The following MAPK4 variants were observed in gnomAD, a reference collection of about 807,000 sequenced individuals.
MAPK4 encodes mitogen-activated protein kinase 4.
A neutral mutation model predicts 47.7 loss-of-function variants in MAPK4; 22 were observed. That is an observed-to-expected ratio of 0.46 (90% confidence interval 0.33 to 0.66). MAPK4 has a LOEUF of 0.66. Among genes scored for constraint, MAPK4 ranks in the 30% least tolerant of loss-of-function variants. The pLI, the probability that MAPK4 is intolerant of heterozygous loss-of-function variation, is 0.02. For synonymous variants in MAPK4, 390 were observed against 365.7 expected (o/e 1.07, Z -0.76); for missense variants, 736 against 831.7 (o/e 0.88, Z 1.42).
At chr18:50,671,245 C>G (rs1042799824) in intron 2 of MAPK4, among the ~76,000 whole-genome samples, 5 of 152,092 alleles carry the variant, frequency 3.3e-5, no homozygotes, top group African/African-American at 4.8e-5. Flanking sequence ...CCCCATGGCA[C>G]GAGTTTACTG....
At chr18:50,675,849 ACT>A (rs1323066201) in intron 2 of MAPK4, among the ~76,000 whole-genome samples, 1 of 149,354 alleles carries the variant, frequency 6.7e-6, no homozygotes, top group Non-Finnish European at 1.5e-5. Flanking sequence ...CTGGTCTTGA[ACT>A]CCTGATCTCA....
intron 1 of MAPK4, among the ~76,000 whole-genome samples, chr18:50,661,846 ACAAATT>A (rs2043175448): frequency 6.6e-6 from 1 of 152,252 alleles, no homozygotes; most frequent in Non-Finnish European, 1.5e-5. Context: ...CGAAGATCTG[ACAAATT>A]ATCAGAATCT....
At chr18:50,601,577 T>C (rs995594371) in intron 1 of MAPK4, among the ~76,000 whole-genome samples, 2 of 152,190 alleles carry the variant, frequency 1.3e-5, no homozygotes, top group Admixed American at 1.3e-4. Flanking sequence ...GGTTGTCCAC[T>C]GAGCTGTGTC....
intron 4 of MAPK4, among the ~76,000 whole-genome samples, chr18:50,722,522 G>A (rs1910987776): frequency 6.6e-6 from 1 of 152,256 alleles, no homozygotes; most frequent in East Asian, 1.9e-4. Flanking sequence ...TCACTCCTCA[G>A]GCTTACTCCC....
At chr18:50,726,904 T>C (rs899962227) in intron 5 of MAPK4, among the ~76,000 whole-genome samples, 1 of 151,870 alleles carries the variant, frequency 6.6e-6, no homozygotes, top group African/African-American at 2.4e-5. Context: ...TATTGCCCAT[T>C]GACACACAAG....
At chr18:50,680,562 C>T (rs1290630631) in intron 2 of MAPK4, among the ~76,000 whole-genome samples, 1 of 152,078 alleles carries the variant, frequency 6.6e-6, no homozygotes, top group African/African-American at 2.4e-5. Flanking sequence ...TCCCATCCCC[C>T]TTCAGCATCA....
intron 2 of MAPK4, among the ~76,000 whole-genome samples, chr18:50,683,311 G>A (rs761657109): frequency 3.3e-5 from 5 of 151,824 alleles, no homozygotes; most frequent in East Asian, 1.9e-4. Context: ...TAGTAGAGAC[G>A]GGAGTCTCAC....
intron 2 of MAPK4, among the ~76,000 whole-genome samples, chr18:50,675,635 G>A (rs539434817): frequency 6.6e-4 from 101 of 152,288 alleles, no homozygotes; most frequent in Non-Finnish European, 4.1e-4. Flanking sequence ...GGGACTACAG[G>A]CATGCACCAC....
At chr18:50,564,292 C>CTT (rs2042179557) in intron 1 of MAPK4, among the ~76,000 whole-genome samples, 1 of 152,202 alleles carries the variant, frequency 6.6e-6, no homozygotes, top group Non-Finnish European at 1.5e-5. Context: ...AACCTGGGCA[C>CTT]TATTGATGTT....
intron 2 of MAPK4, among the ~76,000 whole-genome samples, chr18:50,685,280 G>T (rs1360163865): frequency 6.6e-6 from 1 of 152,244 alleles, no homozygotes; most frequent in African/African-American, 2.4e-5. Flanking sequence ...CTGGGTTCCA[G>T]CCCTGCCTCC....
chr18:50,664,285 G>A lies in MAPK4; in HGVS notation c.327G>A (p.Glu109=), dbSNP rs774559194. Residue 109 remains glutamate, a synonymous_variant, in exon 2 of 6, where the codon GAG becomes GAA. Transcript: ENST00000400384. This position sits in a 1 kb window ranked among gnomAD's most constrained non-coding sequence, Gnocchi z 6.0. ...SVAYIVQEYM[E]TDLARLLEQG... is the part of the protein sequence containing the mutation. ...CGTACATCGTCCAGGAGTACATGGA[G>A]ACCGACCTGGCACGCCTGCTGGAGC... is the stretch of plus-strand genomic sequence containing the variant. The A allele has an allele frequency of 1.2e-6, 2 of 1,613,492 alleles. No individual in the cohort carries two copies. Among genetic ancestry groups the A allele is most frequent in the East Asian group, 2.2e-5 (1 of 44,860 alleles).
At chr18:50,626,551 C>T (rs1281724511) in intron 1 of MAPK4, among the ~76,000 whole-genome samples, 1 of 152,156 alleles carries the variant, frequency 6.6e-6, no homozygotes. Flanking sequence ...ATCAAGGTGT[C>T]ACATGTGGCC....
chr18:50,606,347 A>G (rs2042583115), intron 1 of MAPK4, among the ~76,000 whole-genome samples: 1 of 151,824 alleles, frequency 6.6e-6, no homozygotes, highest in Admixed American at 6.5e-5. Flanking sequence ...TTAATACACT[A>G]GGGATTTTGT....
At chr18:50,624,630 TG>T (rs1413126805) in intron 1 of MAPK4, among the ~76,000 whole-genome samples, 4 of 152,256 alleles carry the variant, frequency 2.6e-5, no homozygotes, top group African/African-American at 4.8e-5. Flanking sequence ...TATTCCATTT[TG>T]TTTTTCTTTT....
At chr18:50,712,134 T>C (rs1598943081) in intron 2 of MAPK4, among the ~76,000 whole-genome samples, 1 of 152,096 alleles carries the variant, frequency 6.6e-6, no homozygotes, top group African/African-American at 2.4e-5. Context: ...TATCAACAAA[T>C]CCCCTTTAAG....
rs148313603 is a variant in MAPK4, at chr18:50,671,874, A to G, written c.546+7370A>G. On this transcript the variant is annotated intron_variant, in intron 2 of 5. Transcript: ENST00000400384. ...CATCGCACTTCAGCCTGGGCCACAGAGTGAGACCCTGACTCAAAAAAAAAA... is the reference window on the plus strand; with the variant it reads ...CATCGCACTTCAGCCTGGGCCACAGGGTGAGACCCTGACTCAAAAAAAAAA... Among the ~76,000 whole-genome samples, 731 of 147,248 alleles carry G rather than the reference A, an allele frequency of 5.0e-3. 8 individuals carry two copies. The highest frequency in any genetic ancestry group is 0.017 in the African/African-American group (685 of 39,168).
chr18:50,671,595 G>A (rs141423875), intron 2 of MAPK4, among the ~76,000 whole-genome samples: 35 of 152,246 alleles, frequency 2.3e-4, no homozygotes, highest in African/African-American at 8.4e-4. Context: ...GTTTACATGG[G>A]TTTAATCATG....
intron 2 of MAPK4, among the ~76,000 whole-genome samples, chr18:50,675,554 C>A (rs1453427000): frequency 6.6e-6 from 1 of 152,040 alleles, no homozygotes; most frequent in East Asian, 1.9e-4. Flanking sequence ...TGCAGTGGCA[C>A]GATCTTGGCA....
chr18:50,657,362 C>T (rs2043120825), intron 1 of MAPK4, among the ~76,000 whole-genome samples: 1 of 152,170 alleles, frequency 6.6e-6, no homozygotes, highest in South Asian at 2.1e-4. Flanking sequence ...CCAGGGAGCG[C>T]TATTGGCATT....
Sources: allele counts gnomAD v4.1 joint callset (sites outside exome capture counted in the v4.1 genomes callset), GRCh38; gene constraint gnomAD v4.1.1; non-coding constraint Gnocchi (gnomAD v3.1); transcripts MANE v1.5; gene names NCBI Gene and HGNC (gene_info 2026-07-23, HGNC 2026-07-21).